RGS7: variants seen among roughly 807,000 people sequenced by gnomAD.
RGS7 encodes the protein regulator of G protein signaling 7.
RGS7 carries 27 observed loss-of-function variants against 81.1 expected under a neutral mutation model. That is an observed-to-expected ratio of 0.33 (90% confidence interval 0.25 to 0.46). The LOEUF is 0.46. Among genes scored for constraint, RGS7 ranks in the 20% least tolerant of loss-of-function variants. The pLI is 1.00. For missense variants in RGS7, 396 were observed against 607.4 expected, an observed-to-expected ratio of 0.65 and a Z score of 3.66; for synonymous variants, 208 against 207.7, an observed-to-expected ratio of 1.00 and a Z score of -0.01.
At chr1:240,806,396 G>T in intron 14 of RGS7, 70 bp from the exon 15 acceptor site, 1 of 1,459,992 alleles carries the variant, frequency 6.8e-7, no homozygotes. Flanking sequence ...GACATTTACG[G>T]ATCATGCAGT....
At chr1:241,024,579 C>T (rs1360634871) in intron 3 of RGS7, among the ~76,000 whole-genome samples, 1 of 152,132 alleles carries the variant, frequency 6.6e-6, no homozygotes, top group Admixed American at 6.5e-5. Context: ...TGTGAATTGA[C>T]TCTTTTAAAG....
At chr1:240,814,990 G>A (rs1322029447) in intron 11 of RGS7, among the ~76,000 whole-genome samples, 1 of 152,166 alleles carries the variant, frequency 6.6e-6, no homozygotes, top group Non-Finnish European at 1.5e-5. Flanking sequence ...CTTTAGAAGA[G>A]CAATGAGTTT....
At chr1:240,859,565 T>C (rs1375413929) in intron 9 of RGS7, among the ~76,000 whole-genome samples, 1 of 151,754 alleles carries the variant, frequency 6.6e-6, no homozygotes, top group Non-Finnish European at 1.5e-5. Context: ...ATAGACCCTT[T>C]TATATTTCTG....
intron 3 of RGS7, among the ~76,000 whole-genome samples, chr1:241,053,238 A>T (rs1444156752): frequency 6.6e-6 from 1 of 152,172 alleles, no homozygotes. Flanking sequence ...GCTAAACAAA[A>T]TCTCAACTGT....
chr1:241,188,956 A>C (rs902055073), intron 2 of RGS7, among the ~76,000 whole-genome samples: 1 of 151,996 alleles, frequency 6.6e-6, no homozygotes, highest in Non-Finnish European at 1.5e-5. Context: ...CTACATTCTC[A>C]CCAACATTTG....
chr1:241,082,033 T>C (rs1221332774), intron 3 of RGS7, among the ~76,000 whole-genome samples: 1 of 152,178 alleles, frequency 6.6e-6, no homozygotes, highest in Non-Finnish European at 1.5e-5. Flanking sequence ...TAGATGTTGA[T>C]AGACATATTT....
intron 18 of RGS7, among the ~76,000 whole-genome samples, chr1:240,784,601 G>C (rs1474740726): frequency 6.6e-6 from 1 of 151,128 alleles, no homozygotes; most frequent in African/African-American, 2.4e-5. Flanking sequence ...AACCAAGATT[G>C]CTCCACTGCG....
chr1:241,315,218 A>C (rs1370722280), intron 2 of RGS7, among the ~76,000 whole-genome samples: 1 of 146,974 alleles, frequency 6.8e-6, no homozygotes, highest in Non-Finnish European at 1.5e-5. Context: ...TAACAGCCAA[A>C]GATCAACCTA....
chr1:240,922,607 T>C (rs1673760177), intron 6 of RGS7, among the ~76,000 whole-genome samples: 1 of 152,086 alleles, frequency 6.6e-6, no homozygotes, highest in African/African-American at 2.4e-5. Context: ...TTGGCAAATA[T>C]GCATGTGAAG....
intron 2 of RGS7, among the ~76,000 whole-genome samples, chr1:241,162,222 G>GCCCCCCCCCCCCCCCCCCCCCCC (rs68166816): frequency 1.4e-5 from 2 of 142,026 alleles, no homozygotes; most frequent in Non-Finnish European, 1.6e-5. Flanking sequence ...CTGGTGATCA[G>GCCCCCCCCCCCCCCCCCCCCCCC]CTTCCAAATA....
At chr1:240,964,436 C>A (rs746270066) in intron 4 of RGS7, among the ~76,000 whole-genome samples, 1 of 151,984 alleles carries the variant, frequency 6.6e-6, no homozygotes, top group Admixed American at 6.6e-5. Flanking sequence ...CAGATAGACA[C>A]GGGAATACAA....
At chr1:241,045,445 C>A (rs1327434377) in intron 3 of RGS7, among the ~76,000 whole-genome samples, 1 of 152,116 alleles carries the variant, frequency 6.6e-6, no homozygotes, top group East Asian at 1.9e-4. Flanking sequence ...CTCACTGCAA[C>A]CTCCGCCTCC....
chr1:241,207,262 T>TCTCTCTC (rs2073971092), intron 2 of RGS7, among the ~76,000 whole-genome samples: 1 of 123,540 alleles, frequency 8.1e-6, no homozygotes, highest in Non-Finnish European at 1.8e-5. Flanking sequence ...CTCTCTCTCT[T>TCTCTCTC]TCTTTCCCCT....
intron 4 of RGS7, among the ~76,000 whole-genome samples, chr1:240,954,419 C>G (rs967255712): frequency 7.2e-5 from 11 of 152,094 alleles, no homozygotes; most frequent in Non-Finnish European, 1.6e-4. Context: ...ACTTATTGCA[C>G]ATATGCAAGC....
intron 18 of RGS7, among the ~76,000 whole-genome samples, chr1:240,789,462 T>C (rs1685606419): frequency 6.6e-6 from 1 of 152,228 alleles, no homozygotes; most frequent in African/African-American, 2.4e-5. Context: ...CAGAGCCATA[T>C]TTCTCTTCTT....
intron 3 of RGS7, among the ~76,000 whole-genome samples, chr1:241,080,568 T>C (rs570128703): frequency 6.6e-6 from 1 of 152,298 alleles, no homozygotes; most frequent in Non-Finnish European, 1.5e-5. Context: ...GTAAAAACTA[T>C]AATAATCTTT....
At chr1:241,325,493 G>A (rs2081438993) in intron 2 of RGS7, among the ~76,000 whole-genome samples, 1 of 152,130 alleles carries the variant, frequency 6.6e-6, no homozygotes. Context: ...TGATATGAGA[G>A]GCATCTTTCA....
chr1:240,934,920 G>A (rs1486102707), intron 5 of RGS7, among the ~76,000 whole-genome samples: 1 of 108,454 alleles, frequency 9.2e-6, no homozygotes, highest in Non-Finnish European at 1.7e-5. Context: ...ACTGAGTCTC[G>A]CTCTGTCGCC....
At chr1:241,356,418 C>T (rs2083574571) in intron 1 of RGS7, among the ~76,000 whole-genome samples, 1 of 152,202 alleles carries the variant, frequency 6.6e-6, no homozygotes, top group Non-Finnish European at 1.5e-5. Flanking sequence ...TGCCAGCCAC[C>T]GGCTGCTCTC....
Sources: allele counts gnomAD v4.1 joint callset (sites outside exome capture counted in the v4.1 genomes callset), GRCh38; gene constraint gnomAD v4.1.1; transcripts MANE v1.5; gene names NCBI Gene and HGNC (gene_info 2026-07-23, HGNC 2026-07-21).